RPRD1B: variants seen among roughly 807,000 people sequenced by gnomAD.
RPRD1B encodes the protein regulation of nuclear pre-mRNA domain containing 1B, also known as regulation of nuclear pre-mRNA domain-containing protein 1B.
In RPRD1B, 11 loss-of-function variants were observed where a neutral mutation model predicts 41.5. The ratio of observed to expected loss-of-function variants is 0.27; its 90% CI spans 0.17 to 0.44. RPRD1B has a LOEUF of 0.44. RPRD1B is among the 20% of genes least tolerant of loss of function. The pLI, the probability that RPRD1B is intolerant of heterozygous loss-of-function variation, is 1.00. For missense variants in RPRD1B, 248 were observed against 389.9 expected (o/e 0.64, Z 3.06); for synonymous variants, 158 against 155.6 (o/e 1.02, Z -0.12).
intron 6 of RPRD1B, among the ~76,000 whole-genome samples, chr20:38,079,722 T>A (rs766743668): frequency 3.9e-5 from 6 of 152,222 alleles, no homozygotes; most frequent in Admixed American, 1.3e-4. Flanking sequence ...TAATTTATAT[T>A]CCTTTGGTTA....
At chr20:38,035,839 A>C (rs2073997851) in intron 1 of RPRD1B, among the ~76,000 whole-genome samples, 1 of 149,990 alleles carries the variant, frequency 6.7e-6, no homozygotes, top group Non-Finnish European at 1.5e-5. Flanking sequence ...ATCTCAGCTC[A>C]CTGCAAGCTC....
intron 6 of RPRD1B, among the ~76,000 whole-genome samples, chr20:38,068,864 A>C (rs1425234874): frequency 2.0e-5 from 3 of 152,214 alleles, no homozygotes; most frequent in African/African-American, 7.2e-5. Context: ...CAGATTGTCC[A>C]AAAGTCTCTC....
At chr20:38,066,346 A>G in intron 6 of RPRD1B, 90 bp downstream of exon 6, 1 of 1,177,492 alleles carries the variant, frequency 8.5e-7, no homozygotes, top group Non-Finnish European at 1.2e-6. Flanking sequence ...AATTAACAAC[A>G]TTTTTATCGT....
At chr20:38,036,846 T>C (rs1395861111) in intron 1 of RPRD1B, among the ~76,000 whole-genome samples, 1 of 152,182 alleles carries the variant, frequency 6.6e-6, no homozygotes, top group Admixed American at 6.5e-5. Flanking sequence ...GAATTGAAAA[T>C]TTAGTTTCCA....
At chr20:38,048,173 A>T (rs1222680914) in intron 2 of RPRD1B, among the ~76,000 whole-genome samples, 175 bp from the exon 3 acceptor site, 6 of 152,214 alleles carry the variant, frequency 3.9e-5, no homozygotes, top group African/African-American at 1.4e-4. Flanking sequence ...TGCACGAAGA[A>T]TGTAGTTTGT....
At chr20:38,061,453 CTG>C (rs2122728437) in intron 5 of RPRD1B, among the ~76,000 whole-genome samples, 1 of 152,338 alleles carries the variant, frequency 6.6e-6, no homozygotes, top group East Asian at 1.9e-4. Flanking sequence ...ACCCGCCTCT[CTG>C]TGTATTAGAT....
rs1467008659 is a variant in RPRD1B at position 38,052,754 on chromosome 20, T to G, written c.415+4273T>G. Among the ~76,000 whole-genome samples, 4 of 10,086 alleles carry G rather than the reference T, an allele frequency of 4.0e-4. No individual in the cohort carries two copies. In the African/African-American group the frequency reaches 4.0e-3, roughly 10 times the overall value. The allele number at this position is 10,086 out of a possible 152,430, so 6.6% of individuals were successfully genotyped here. Reference sequence around the variant, plus strand: ...GCTGCACTCGGACCAAACGCGGTGTTTTTTTTTTTTTTTTTTTTTTTTTTT... The same window carrying G: ...GCTGCACTCGGACCAAACGCGGTGTGTTTTTTTTTTTTTTTTTTTTTTTTT... On this transcript the variant is annotated intron_variant, in intron 3 of 6. Transcript: ENST00000373433.
intron 3 of RPRD1B, among the ~76,000 whole-genome samples, chr20:38,051,651 CAATATTGGTAGG>C (rs1040286602): frequency 2.6e-5 from 4 of 152,202 alleles, no homozygotes; most frequent in Admixed American, 2.6e-4. Context: ...CACACGGTTT[CAATATTGGTAGG>C]AATTTTGGTA....
intron 2 of RPRD1B, among the ~76,000 whole-genome samples, chr20:38,041,685 TG>T (rs1037766337): frequency 6.6e-6 from 1 of 152,244 alleles, no homozygotes; most frequent in Non-Finnish European, 1.5e-5. Context: ...TAGAAATTGA[TG>T]GTAGCTCTGC....
At chr20:38,064,388 G>C (rs1481168442) in intron 5 of RPRD1B, among the ~76,000 whole-genome samples, 1 of 152,156 alleles carries the variant, frequency 6.6e-6, no homozygotes, top group Non-Finnish European at 1.5e-5. Context: ...TTAAATCCTA[G>C]TTCCCCAGGA....
rs74179885 is a variant in RPRD1B at position 38,044,372 on chromosome 20, A to ATTTTTTTTTTT, written c.281+3817_281+3827dup. On this transcript the variant is annotated intron_variant, in intron 2 of 6. Transcript: ENST00000373433. ...GCTCCCAGAAATAAATCAGGTGTTC[A>ATTTTTTTTTTT]TTTTTTTTTTTTTTTTTTTGAGACG... 7.1e-4 allele frequency among the ~76,000 whole-genome samples: 89 copies of ATTTTTTTTTTT among 124,506 alleles called. 2 individuals carry two copies. The highest frequency in any genetic ancestry group is 2.7e-3 in the African/African-American group (85 of 31,468). The allele number at this position is 124,506 out of a possible 152,430, so 81.7% of individuals were successfully genotyped here. A position where few individuals can be genotyped will look rare whatever the true frequency, so the allele number is the denominator to read the frequency against.
Position 38,076,906 on chromosome 20 carries a change from C to CTTTTT in RPRD1B, c.831+10676_831+10680dup, listed in dbSNP as rs573460686. Among the ~76,000 whole-genome samples the CTTTTT allele has an allele frequency of 1.0e-3, 66 of 63,520 alleles. 13 individuals are homozygous for CTTTTT. The highest frequency in any genetic ancestry group is 3.6e-3 in the African/African-American group (45 of 12,516). 41.7% of individuals were successfully genotyped at this position (63,520 alleles called of 152,430 possible). ...CCTTTAGCCTTTTCTCATTCTGGAC[C>CTTTTT]TTTTTTTTTTTTTTTTTTTTTTTTT... On this transcript the variant is annotated intron_variant, in intron 6 of 6. Coordinates refer to ENST00000373433, the MANE Select transcript of RPRD1B (RefSeq NM_021215.4).
chr20:38,048,733 A>G lies in RPRD1B; in HGVS notation c.415+252A>G, dbSNP rs536809757. 2.1e-5 allele frequency: 7 copies of G among 337,592 alleles called. No individual in the cohort carries two copies. In the South Asian group the frequency reaches 7.1e-4, roughly 34 times the overall value. 20.9% of individuals were successfully genotyped at this position (337,592 alleles called of 1,614,324 possible). ...TCTCCTTGGCTTGCTTCTGTCTTTCAGAGACTTTCCTTGCACAAGGAAAGG... is the reference window on the plus strand; with the variant it reads ...TCTCCTTGGCTTGCTTCTGTCTTTCGGAGACTTTCCTTGCACAAGGAAAGG... On this transcript the variant is annotated intron_variant, in intron 3 of 6. Coordinates refer to ENST00000373433, the MANE Select transcript of RPRD1B (RefSeq NM_021215.4).
chr20:38,039,561 C>T (rs1267738467), intron 1 of RPRD1B, among the ~76,000 whole-genome samples: 4 of 151,932 alleles, frequency 2.6e-5, no homozygotes, highest in South Asian at 4.1e-4. Flanking sequence ...TGTGCCACCA[C>T]GCCAGGCAAA....
intron 2 of RPRD1B, among the ~76,000 whole-genome samples, chr20:38,044,584 C>A (rs1351118705): frequency 1.3e-5 from 2 of 152,050 alleles, no homozygotes; most frequent in African/African-American, 4.8e-5. Flanking sequence ...CCATGTTAGC[C>A]AGGATGGTCT....
chr20:38,080,674 C>T (rs932962169), intron 6 of RPRD1B, among the ~76,000 whole-genome samples: 6 of 152,100 alleles, frequency 3.9e-5, no homozygotes, highest in East Asian at 1.9e-4. Flanking sequence ...TATAGGCATG[C>T]GTCACCACGC....
At chr20:38,039,800 C>G (rs2122691669) in intron 1 of RPRD1B, among the ~76,000 whole-genome samples, 1 of 149,032 alleles carries the variant, frequency 6.7e-6, no homozygotes, top group African/African-American at 2.5e-5. Flanking sequence ...GTAGTGCAAT[C>G]TCGGCTCACT....
rs2074611823 is a variant in RPRD1B, at chr20:38,091,529, AAATT to A, written c.*1658_*1661del. The A allele has an allele frequency of 1.1e-5, 11 of 985,266 alleles. 2 individuals carry two copies. The African/African-American group carries it at 1.6e-4, about 14-fold the overall frequency. 61.0% of individuals were successfully genotyped at this position (985,266 alleles called of 1,614,324 possible). ...CACTGCCTGTCGTTCTGTCACTGTT[AAATT>A]AATGAGTCTATAAGGTTTTTCTTCC... On this transcript the variant is annotated 3_prime_UTR_variant, in exon 7 of 7. Coordinates refer to ENST00000373433, the MANE Select transcript of RPRD1B (RefSeq NM_021215.4).
intron 1 of RPRD1B, among the ~76,000 whole-genome samples, 170 bp downstream of exon 1, chr20:38,034,268 G>A (rs986114485): frequency 1.3e-5 from 2 of 152,190 alleles, no homozygotes; most frequent in African/African-American, 4.8e-5. Context: ...ACTGAGGCCC[G>A]GGAAGGTTTA....
Sources: gnomAD v4.1 joint callset for allele counts (sites outside exome capture counted in the v4.1 genomes callset) on GRCh38, gnomAD v4.1.1 for gene constraint, MANE v1.5 for transcripts, NCBI Gene and HGNC (gene_info 2026-07-23, HGNC 2026-07-21) for gene names.